The following MAEA variants were observed in gnomAD, a reference collection of about 807,000 sequenced individuals.
The protein encoded by MAEA is E3 ubiquitin-protein transferase MAEA.
A neutral mutation model predicts 46.2 loss-of-function variants in MAEA; 22 were observed. That is an observed-to-expected ratio of 0.48 (90% CI 0.34 to 0.68). The LOEUF (loss-of-function observed/expected upper bound fraction) is 0.68, where lower values mean the gene tolerates loss of function less well. MAEA is among the 30% of genes least tolerant of loss of function. The pLI, the probability that MAEA is intolerant of heterozygous loss-of-function variation, is 0.01. For synonymous variants in MAEA, 246 were observed against 222.6 expected, an observed-to-expected ratio of 1.11 and a Z score of -0.94; for missense variants, 393 against 558.1, an observed-to-expected ratio of 0.70 and a Z score of 2.98.
chr4:1,321,300 A>G (rs564003894), intron 3 of MAEA, among the ~76,000 whole-genome samples: 61 of 151,336 alleles, frequency 4.0e-4, no homozygotes, highest in African/African-American at 1.3e-3. Flanking sequence ...AGGGGCTTTA[A>G]AAAAGATATC....
In MAEA at chr4:1,337,005, T is replaced by C. The variant is rs73793374; in HGVS notation, c.899+11T>C. 1.6e-3 allele frequency: 2,529 copies of C among 1,613,170 alleles called. 38 individuals are homozygous for C. The African/African-American group carries it at 0.029, about 18-fold the overall frequency. On this transcript the variant is annotated intron_variant, in intron 7 of 8. Coordinates refer to ENST00000303400, the MANE Select transcript of MAEA (RefSeq NM_001017405.3). The stretch of plus-strand genomic sequence containing the variant: ...AGCCATCAAGACACCGTATCCTACC[T>C]CCCGTGCGCAGTGCGGTTTGGCCTG...
At chr4:1,336,238 T>G (rs1712741217) in intron 6 of MAEA, among the ~76,000 whole-genome samples, 1 of 151,776 alleles carries the variant, frequency 6.6e-6, no homozygotes, top group Non-Finnish European at 1.5e-5. Flanking sequence ...AAGTCAGCCC[T>G]TGTCCTGCAG....
rs529351804 is a variant in MAEA at position 1,337,285 on chromosome 4, C to G, written c.899+291C>G. 113 of 433,616 alleles carry G rather than the reference C, an allele frequency of 2.6e-4. 1 individual carries two copies. The South Asian group carries it at 2.6e-3, about 10-fold the overall frequency. 26.9% of individuals were successfully genotyped at this position (433,616 alleles called of 1,614,324 possible). On this transcript the variant is annotated intron_variant, in intron 7 of 8. Transcript: ENST00000303400. Reference sequence around the variant, plus strand: ...GCCCGATTTTGATGTGTTCTGGCAGCCGGCAGATTACCATTCAGAATAGTT... The same window carrying G: ...GCCCGATTTTGATGTGTTCTGGCAGGCGGCAGATTACCATTCAGAATAGTT...
rs367662718 is a variant in MAEA, at chr4:1,335,683, T to C, written c.766-1178T>C. On this transcript the variant is annotated intron_variant, in intron 6 of 8. Transcript: ENST00000303400. Reference sequence around the variant, plus strand: ...CAGAGTTAAGTCAGCACTGGCCCCATGGCGTGTTGAAACCACAGAGTTAAG... The same window carrying C: ...CAGAGTTAAGTCAGCACTGGCCCCACGGCGTGTTGAAACCACAGAGTTAAG... The C allele has an allele frequency of 4.5e-4, 424 of 943,308 alleles. 9 individuals are homozygous for C. In the East Asian group the frequency reaches 0.013, roughly 29 times the overall value. 58.4% of individuals were successfully genotyped at this position (943,308 alleles called of 1,614,324 possible).
At chr4:1,297,838 C>T (rs770989503) in intron 1 of MAEA, 12 of 370,596 alleles carry the variant, frequency 3.2e-5, no homozygotes, top group Non-Finnish European at 6.6e-5. Flanking sequence ...ATGTCTTGGT[C>T]TCATGGCCTG....
In MAEA at chr4:1,311,332, G is replaced by A. The variant is rs960506957; in HGVS notation, c.70-647G>A. On this transcript the variant is annotated intron_variant, in intron 1 of 8. Coordinates refer to ENST00000303400, the MANE Select transcript of MAEA (RefSeq NM_001017405.3). This position sits in a 1 kb window ranked among gnomAD's most constrained non-coding sequence, Gnocchi z 4.4. ...TAGAGCACAGGAAACGGGCGGAGAA[G>A]AACTCAGCAGCGCTTCTCTCAGAGG... Among the ~76,000 whole-genome samples, 1 of 152,256 alleles carries A rather than the reference G, an allele frequency of 6.6e-6. No homozygotes were observed. Among genetic ancestry groups the A allele is most frequent in the Non-Finnish European group, 1.5e-5 (1 of 68,044 alleles).
At position 1,339,227 on chromosome 4, in the gene MAEA, G is replaced by A. The variant is rs555082925; in HGVS notation, c.*58G>A. 7.4e-5 allele frequency: 95 copies of A among 1,284,890 alleles called. No homozygotes were observed. In the South Asian group the frequency reaches 9.0e-4, roughly 12 times the overall value. The allele number at this position is 1,284,890 out of a possible 1,614,324, so 79.6% of individuals were successfully genotyped here. On this transcript the variant is annotated 3_prime_UTR_variant, in exon 9 of 9. Coordinates refer to ENST00000303400, the MANE Select transcript of MAEA (RefSeq NM_001017405.3). The stretch of plus-strand genomic sequence containing the variant: ...GGGCTGCAGTGGGCGGGGAGGCCAC[G>A]CCTTCCTCCTGTCCCACGCTCCAGC...
chr4:1,325,678 G>A (rs1738720686), intron 4 of MAEA, among the ~76,000 whole-genome samples: 1 of 151,588 alleles, frequency 6.6e-6, no homozygotes, highest in South Asian at 2.1e-4. Flanking sequence ...GGCAGGTGGG[G>A]CCCTGGTGGG....
chr4:1,321,016 T>C (rs1016989690), intron 3 of MAEA, among the ~76,000 whole-genome samples: 1 of 152,128 alleles, frequency 6.6e-6, no homozygotes, highest in African/African-American at 2.4e-5. Context: ...AGGAGAATGG[T>C]GTGAACCCAG....
intron 5 of MAEA, chr4:1,328,653 T>A: frequency 7.8e-7 from 1 of 1,277,534 alleles, no homozygotes; most frequent in South Asian, 1.3e-5. Context: ...TGGCCGAGTG[T>A]TCCACAGAAG....
chr4:1,291,254 T>C (rs1222770653), intron 1 of MAEA, among the ~76,000 whole-genome samples: 1 of 152,104 alleles, frequency 6.6e-6, no homozygotes, highest in Non-Finnish European at 1.5e-5. Context: ...CCTTTTGACC[T>C]CCCAAAGCGC....
intron 1 of MAEA, among the ~76,000 whole-genome samples, chr4:1,305,645 G>A (rs926702203): frequency 2.6e-5 from 4 of 152,144 alleles, no homozygotes; most frequent in African/African-American, 7.2e-5. Context: ...ATGTGGTGGC[G>A]GCCTCTTGAC....
intron 3 of MAEA, among the ~76,000 whole-genome samples, chr4:1,318,743 T>G (rs1480549752): frequency 6.6e-6 from 1 of 152,176 alleles, no homozygotes; most frequent in Non-Finnish European, 1.5e-5. Context: ...TGGTCAGACC[T>G]GGACTTCCTG....
At chr4:1,290,082 G>C (rs1733940576) in intron 1 of MAEA, 100 bp downstream of exon 1, 1 of 834,410 alleles carries the variant, frequency 1.2e-6, no homozygotes, top group African/African-American at 1.8e-5. Flanking sequence ...CGGCGAGGGC[G>C]GCGGGAGCTG....
intron 2 of MAEA, among the ~76,000 whole-genome samples, chr4:1,314,791 A>G (rs1189820630): frequency 6.6e-6 from 1 of 152,246 alleles, no homozygotes; most frequent in Non-Finnish European, 1.5e-5. Context: ...TGATTTCTGC[A>G]CAGCAGTTGG....
At chr4:1,321,103 AAAAC>A (rs575452797) in intron 3 of MAEA, among the ~76,000 whole-genome samples, 29 of 152,294 alleles carry the variant, frequency 1.9e-4, no homozygotes, top group African/African-American at 1.2e-4. Context: ...CCGTCTCAAA[AAAAC>A]AAACAAAAGC....
intron 1 of MAEA, among the ~76,000 whole-genome samples, chr4:1,306,834 G>GT (rs1168848509): frequency 6.6e-6 from 1 of 152,208 alleles, no homozygotes; most frequent in African/African-American, 2.4e-5. Context: ...GAGCTTTTGT[G>GT]TTTAGGTCCG....
chr4:1,297,378 C>G (rs986290227), intron 1 of MAEA, among the ~76,000 whole-genome samples: 1 of 151,636 alleles, frequency 6.6e-6, no homozygotes, highest in Non-Finnish European at 1.5e-5. Context: ...GACATCCTCC[C>G]AAGCGTTTAC....
chr4:1,300,241 T>C (rs1339048275), intron 1 of MAEA, among the ~76,000 whole-genome samples: 2 of 152,202 alleles, frequency 1.3e-5, no homozygotes, highest in Admixed American at 6.5e-5. Context: ...CGAAGGAAGA[T>C]TGGCACTAGC....
Sources: allele counts gnomAD v4.1 joint callset (sites outside exome capture counted in the v4.1 genomes callset), GRCh38; gene constraint gnomAD v4.1.1; non-coding constraint Gnocchi (gnomAD v3.1); transcripts MANE v1.5; gene names NCBI Gene and HGNC (gene_info 2026-07-23, HGNC 2026-07-21).